GRM3: variants seen among roughly 807,000 people sequenced by gnomAD.
GRM3 encodes the protein metabotropic glutamate receptor 3.
Under a neutral mutation model 70.5 loss-of-function variants are expected in GRM3, and 26 were observed. The ratio of observed to expected loss-of-function variants is 0.37; its 90% CI spans 0.27 to 0.51. The LOEUF is 0.51. GRM3 is among the 20% of genes least tolerant of loss of function. The pLI is 0.93. For synonymous variants in GRM3, 443 were observed against 434.9 expected (o/e 1.02, Z -0.23); for missense variants, 859 against 1,123.8 (o/e 0.76, Z 3.37).
At chr7:86,683,296 C>G (rs534376560) in intron 1 of GRM3, among the ~76,000 whole-genome samples, 2 of 152,252 alleles carry the variant, frequency 1.3e-5, no homozygotes, top group South Asian at 2.1e-4. Flanking sequence ...TTCACTGCAA[C>G]AGAACATGTA....
At chr7:86,646,003 GGGTGGGGGGGGGTGGGA>G (rs1793457844) in intron 1 of GRM3, among the ~76,000 whole-genome samples, 2 of 58,996 alleles carry the variant, frequency 3.4e-5, no homozygotes, top group African/African-American at 1.3e-4. Flanking sequence ...GGGGGTGGGG[GGGTGGGGGGGGGTGGGA>G]GGGAGTTTAG....
intron 1 of GRM3, among the ~76,000 whole-genome samples, chr7:86,689,453 T>C (rs905807350): frequency 5.9e-5 from 9 of 152,096 alleles, no homozygotes; most frequent in Admixed American, 3.3e-4. Flanking sequence ...AGCCTAAGGA[T>C]AAATTCCTAA....
chr7:86,851,792 CCTGT>C (rs543042856), intron 5 of GRM3, among the ~76,000 whole-genome samples: 50 of 152,218 alleles, frequency 3.3e-4, no homozygotes, highest in African/African-American at 1.1e-3. Context: ...CATGGCAAAG[CCTGT>C]GAGGTCGTTT....
At chr7:86,663,739 C>T (rs1348878899) in intron 1 of GRM3, among the ~76,000 whole-genome samples, 4 of 151,694 alleles carry the variant, frequency 2.6e-5, no homozygotes, top group Admixed American at 6.6e-5. Context: ...CCATTTAAGC[C>T]CCTGCCCATG....
At chr7:86,686,509 T>G (rs1235691765) in intron 1 of GRM3, among the ~76,000 whole-genome samples, 1 of 152,250 alleles carries the variant, frequency 6.6e-6, no homozygotes, top group Non-Finnish European at 1.5e-5. Flanking sequence ...GTTTAGTATT[T>G]GAGTGCCTCA....
chr7:86,783,304 G>T, intron 2 of GRM3, among the ~76,000 whole-genome samples: 1 of 152,310 alleles, frequency 6.6e-6, no homozygotes, highest in South Asian at 2.1e-4. Context: ...TAGTCACACA[G>T]TAGAAGGTAG....
chr7:86,711,878 G>A (rs1222272811), intron 1 of GRM3, among the ~76,000 whole-genome samples: 2 of 151,716 alleles, frequency 1.3e-5, no homozygotes, highest in African/African-American at 4.8e-5. Context: ...CTTCTATTAG[G>A]GTACATATAC....
chr7:86,746,020 C>A (rs1045069745), intron 1 of GRM3, among the ~76,000 whole-genome samples: 4 of 151,900 alleles, frequency 2.6e-5, no homozygotes, highest in African/African-American at 7.3e-5. Context: ...AAAATAGGTT[C>A]TTGATAAGTA....
rs756357927 is a variant in GRM3, at chr7:86,786,211, G to C, written c.469-50G>C. 4 of 1,518,976 alleles carry C rather than the reference G, an allele frequency of 2.6e-6. No homozygotes were observed. In the South Asian group the frequency reaches 5.0e-5, roughly 19 times the overall value. 94.1% of individuals were successfully genotyped at this position (1,518,976 alleles called of 1,614,324 possible). A position where few individuals can be genotyped will look rare whatever the true frequency, so the allele number is the denominator to read the frequency against. ...ATGCTATTATTCATTTTCATGTCCA[G>C]TCATCTACCTCGGGGTTTCTAACAA... On this transcript the variant is annotated intron_variant, in intron 2 of 5. Coordinates refer to ENST00000361669, the MANE Select transcript of GRM3 (RefSeq NM_000840.3). The surrounding 1 kb of genome is among the most constrained non-coding windows in gnomAD (Gnocchi z 6.0).
At chr7:86,796,499 T>G (rs1260430939) in intron 3 of GRM3, among the ~76,000 whole-genome samples, 1 of 152,218 alleles carries the variant, frequency 6.6e-6, no homozygotes, top group Non-Finnish European at 1.5e-5. Context: ...GGTAGCATCA[T>G]GCTGCCACCT....
chr7:86,747,295 A>C (rs1291154051), intron 1 of GRM3, among the ~76,000 whole-genome samples: 1 of 152,066 alleles, frequency 6.6e-6, no homozygotes, highest in East Asian at 1.9e-4. Context: ...ATGTATCAAA[A>C]CAGAAATGAT....
At chr7:86,853,381 G>A (rs1381369583) in intron 5 of GRM3, among the ~76,000 whole-genome samples, 1 of 152,142 alleles carries the variant, frequency 6.6e-6, no homozygotes. Flanking sequence ...ACCCACTTTG[G>A]TAGAATTGAA....
chr7:86,843,359 A>G (rs1798593826), intron 4 of GRM3, among the ~76,000 whole-genome samples: 1 of 152,208 alleles, frequency 6.6e-6, no homozygotes, highest in Non-Finnish European at 1.5e-5. Flanking sequence ...ACGCATCCAT[A>G]ATATGAAGGA....
At chr7:86,814,034 T>C (rs1274819451) in intron 3 of GRM3, among the ~76,000 whole-genome samples, 1 of 151,774 alleles carries the variant, frequency 6.6e-6, no homozygotes, top group Non-Finnish European at 1.5e-5. Context: ...TAAAAAGTCC[T>C]TGAAGGAAAG....
intron 4 of GRM3, among the ~76,000 whole-genome samples, chr7:86,847,694 G>A (rs192076021): frequency 5.3e-5 from 8 of 152,282 alleles, no homozygotes; most frequent in Admixed American, 3.9e-4. Flanking sequence ...AAGGAAGGAA[G>A]TGATTAACTG....
chr7:86,736,743 C>T (rs1235028837), intron 1 of GRM3, among the ~76,000 whole-genome samples: 5 of 152,108 alleles, frequency 3.3e-5, no homozygotes, highest in African/African-American at 1.2e-4. Flanking sequence ...CTGGTAGAAT[C>T]AGTCACATGG....
chr7:86,832,425 T>C (rs571832160), intron 3 of GRM3, among the ~76,000 whole-genome samples: 21 of 151,956 alleles, frequency 1.4e-4, no homozygotes, highest in Non-Finnish European at 2.5e-4. Context: ...ATGTTTTGTA[T>C]TTTTAGTAGA....
At chr7:86,684,582 G>C (rs1794516920) in intron 1 of GRM3, among the ~76,000 whole-genome samples, 1 of 152,060 alleles carries the variant, frequency 6.6e-6, no homozygotes, top group Admixed American at 6.5e-5. Flanking sequence ...TCCCCTCAAA[G>C]CTTAAAATTC....
At chr7:86,827,482 C>T (rs912341856) in intron 3 of GRM3, among the ~76,000 whole-genome samples, 3 of 151,414 alleles carry the variant, frequency 2.0e-5, no homozygotes, top group Admixed American at 6.6e-5. Context: ...GAAAAGTAGT[C>T]ATATCTGGAA....
Sources: gnomAD v4.1 joint callset for allele counts (sites outside exome capture counted in the v4.1 genomes callset) on GRCh38, gnomAD v4.1.1 for gene constraint, Gnocchi (gnomAD v3.1) non-coding constraint, MANE v1.5 for transcripts, NCBI Gene and HGNC (gene_info 2026-07-23, HGNC 2026-07-21) for gene names.